The following RGS20 variants were observed in gnomAD, a reference collection of about 807,000 sequenced individuals.
RGS20 encodes regulator of G protein signaling 20.
RGS20 carries 30 observed loss-of-function variants against 33.6 expected under a neutral mutation model. The ratio of observed to expected loss-of-function variants is 0.89; its 90% CI spans 0.67 to 1.21. The LOEUF is 1.21. RGS20 is among the 50% of genes most tolerant of loss of function. The pLI is 0.00. For synonymous variants in RGS20, 208 were observed against 197.9 expected (o/e 1.05, Z -0.43); for missense variants, 472 against 502.4 (o/e 0.94, Z 0.58).
intron 2 of RGS20, among the ~76,000 whole-genome samples, chr8:53,897,940 T>A (rs1812913340): frequency 6.6e-6 from 1 of 152,218 alleles, no homozygotes; most frequent in South Asian, 2.1e-4. Context: ...GTCCAAGGCA[T>A]GTGGGGCACA....
At chr8:53,876,787 G>A (rs1812218699) in intron 1 of RGS20, 1 of 152,342 alleles carries the variant, frequency 6.6e-6, no homozygotes, top group South Asian at 2.1e-4. Flanking sequence ...AGGCCAGTGT[G>A]GGGCCGGCAA....
In RGS20 at chr8:53,851,943, A is replaced by G. The variant is rs544367925; in HGVS notation, c.44A>G (p.His15Arg). ...GATAACCAAGAGTGCCTCCAGAAAC[A>G]TTTCTCCAGGCCGTCTATATGGACA... is the stretch of plus-strand genomic sequence containing the variant. The change falls in exon 1 of 6, where the codon CAT becomes CGT. Residue 15 changes from histidine to arginine, a missense_variant. This residue lies in a region of RGS20 where 28 missense variants were observed against 49.6 expected (regional missense o/e 0.57). Transcript: ENST00000297313. 25 of 1,614,106 alleles carry G rather than the reference A, an allele frequency of 1.5e-5. No individual in the cohort carries two copies. In the South Asian group the frequency reaches 2.6e-4, roughly 17 times the overall value.
chr8:53,915,434 C>T (rs1242498223), intron 2 of RGS20, among the ~76,000 whole-genome samples: 3 of 152,102 alleles, frequency 2.0e-5, no homozygotes, highest in Non-Finnish European at 4.4e-5. Context: ...ACAGGGATCT[C>T]CCCACTCCTG....
At chr8:53,918,432 G>A (rs55938755) in intron 2 of RGS20, among the ~76,000 whole-genome samples, 7,067 of 149,356 alleles carry the variant, frequency 0.047, 448 homozygotes, top group African/African-American at 0.14. Context: ...CTTGTTGCCC[G>A]GGCCGAAGTA....
intron 2 of RGS20, among the ~76,000 whole-genome samples, chr8:53,895,438 T>C (rs1383084251): frequency 2.6e-5 from 4 of 152,164 alleles, no homozygotes; most frequent in African/African-American, 9.7e-5. Flanking sequence ...GTACGCTAAA[T>C]GATCATGAAG....
At chr8:53,907,253 G>A (rs1484037132) in intron 2 of RGS20, among the ~76,000 whole-genome samples, 1 of 151,994 alleles carries the variant, frequency 6.6e-6, no homozygotes, top group Non-Finnish European at 1.5e-5. Context: ...AGCATTTGAT[G>A]TTTTCTATGT....
At chr8:53,910,666 C>T (rs568433708) in intron 2 of RGS20, among the ~76,000 whole-genome samples, 204 of 152,214 alleles carry the variant, frequency 1.3e-3, no homozygotes, top group African/African-American at 4.4e-3. Flanking sequence ...TCATAAGCAC[C>T]CAAAACAGGA....
intron 1 of RGS20, among the ~76,000 whole-genome samples, chr8:53,874,174 G>A (rs773025019): frequency 8.6e-5 from 13 of 152,044 alleles, no homozygotes; most frequent in Non-Finnish European, 1.0e-4. Context: ...GCAAGACTCC[G>A]TCTCAGAAAA....
intron 2 of RGS20, among the ~76,000 whole-genome samples, chr8:53,890,392 A>G (rs1040857076): frequency 6.6e-6 from 1 of 152,140 alleles, no homozygotes; most frequent in South Asian, 2.1e-4. Flanking sequence ...ACTAAATCCA[A>G]TGAGATCATC....
intron 2 of RGS20, among the ~76,000 whole-genome samples, chr8:53,905,234 A>G (rs1051703076): frequency 6.6e-5 from 10 of 152,206 alleles, no homozygotes; most frequent in Admixed American, 3.9e-4. Flanking sequence ...AAAATAGACA[A>G]TAAAACCCAA....
intron 2 of RGS20, among the ~76,000 whole-genome samples, chr8:53,926,557 G>A (rs1233181893): frequency 1.3e-5 from 2 of 152,250 alleles, no homozygotes; most frequent in East Asian, 3.9e-4. Flanking sequence ...GGGAACTACA[G>A]TGAAAATAAA....
intron 5 of RGS20, among the ~76,000 whole-genome samples, chr8:53,954,612 C>G (rs534008380): frequency 6.6e-6 from 1 of 151,322 alleles, no homozygotes; most frequent in African/African-American, 2.4e-5. Flanking sequence ...TGCAGTGAGC[C>G]GAGATTGTGC....
At chr8:53,937,666 G>A (rs1252865497) in intron 2 of RGS20, among the ~76,000 whole-genome samples, 5 of 152,092 alleles carry the variant, frequency 3.3e-5, no homozygotes, top group Admixed American at 3.3e-4. Flanking sequence ...GAATCTACAA[G>A]GAAGTTAAAC....
intron 2 of RGS20, among the ~76,000 whole-genome samples, chr8:53,883,479 C>T (rs1812455924): frequency 6.6e-6 from 1 of 152,102 alleles, no homozygotes; most frequent in Non-Finnish European, 1.5e-5. Context: ...TGACATCTTT[C>T]TTATCACGTA....
chr8:53,930,417 T>C (rs991255635), intron 2 of RGS20, among the ~76,000 whole-genome samples: 50 of 152,314 alleles, frequency 3.3e-4, no homozygotes, highest in Non-Finnish European at 3.5e-4. Flanking sequence ...TTTAAGTGAA[T>C]AGATATTTCA....
At chr8:53,948,484 C>T (rs185692200) in intron 4 of RGS20, among the ~76,000 whole-genome samples, 1 of 122,558 alleles carries the variant, frequency 8.2e-6, no homozygotes, top group Admixed American at 8.8e-5. Flanking sequence ...TTTACATATG[C>T]TATATATGAT....
chr8:53,917,923 T>G (rs1422067026), intron 2 of RGS20, among the ~76,000 whole-genome samples: 1 of 152,204 alleles, frequency 6.6e-6, no homozygotes, highest in African/African-American at 2.4e-5. Context: ...GCAACCACTA[T>G]TCTACTTTCT....
intron 2 of RGS20, among the ~76,000 whole-genome samples, chr8:53,889,398 T>C (rs1200643657): frequency 3.9e-4 from 48 of 124,184 alleles, no homozygotes; most frequent in Non-Finnish European, 6.1e-4. Context: ...CTTTCTTTCT[T>C]TCTCTCTCTC....
At chr8:53,938,414 A>C (rs1814196218) in intron 2 of RGS20, among the ~76,000 whole-genome samples, 1 of 152,232 alleles carries the variant, frequency 6.6e-6, no homozygotes. Context: ...GGATAGCATT[A>C]GGAGAAATAC....
Sources: allele counts gnomAD v4.1 joint callset (sites outside exome capture counted in the v4.1 genomes callset), GRCh38; gene constraint gnomAD v4.1.1; regional missense constraint gnomAD v4.1.1; transcripts MANE v1.5; gene names NCBI Gene and HGNC (gene_info 2026-07-23, HGNC 2026-07-21).